Variants in PIBF1 observed in about 807,000 individuals in gnomAD.
PIBF1 encodes progesterone-induced-blocking factor 1.
Under a neutral mutation model 112.5 loss-of-function variants are expected in PIBF1, and 90 were observed. That is an observed-to-expected ratio of 0.80 (90% CI 0.67 to 0.95). PIBF1 has a LOEUF of 0.95. PIBF1 is among the 40% of genes least tolerant of loss of function. PIBF1 has a pLI of 0.00. For synonymous variants in PIBF1, 301 were observed against 288.6 expected, an observed-to-expected ratio of 1.04 and a Z score of -0.44; for missense variants, 915 against 852.3, an observed-to-expected ratio of 1.07 and a Z score of -0.92.
At chr13:72,828,940 CTTG>C (rs887611654) in intron 8 of PIBF1, among the ~76,000 whole-genome samples, 1 of 152,156 alleles carries the variant, frequency 6.6e-6, no homozygotes, top group Non-Finnish European at 1.5e-5. Context: ...TCCTCTCCAG[CTTG>C]TTGTTTCCTG....
chr13:72,903,010 C>T (rs552416805), intron 11 of PIBF1, among the ~76,000 whole-genome samples: 1 of 152,164 alleles, frequency 6.6e-6, no homozygotes, highest in African/African-American at 2.4e-5. Flanking sequence ...ATCCTCCCAC[C>T]TCAGCCTCCC....
intron 2 of PIBF1, among the ~76,000 whole-genome samples, chr13:72,789,258 C>G (rs529854084): frequency 6.6e-6 from 1 of 152,256 alleles, no homozygotes; most frequent in African/African-American, 2.4e-5. Context: ...GATCACAGCT[C>G]TCTGCAGCCT....
intron 9 of PIBF1, among the ~76,000 whole-genome samples, chr13:72,851,364 G>A (rs1324220924): frequency 6.6e-6 from 1 of 152,236 alleles, no homozygotes; most frequent in Admixed American, 6.5e-5. Flanking sequence ...TCTGATTTCA[G>A]AGCAAAGTTG....
chr13:72,885,302 A>T (rs1005999524), intron 10 of PIBF1, among the ~76,000 whole-genome samples: 1 of 151,996 alleles, frequency 6.6e-6, no homozygotes, highest in Non-Finnish European at 1.5e-5. Context: ...TCTTTTACGG[A>T]CACCTAAACC....
At chr13:72,959,996 T>C (rs2042562268) in intron 14 of PIBF1, among the ~76,000 whole-genome samples, 1 of 152,196 alleles carries the variant, frequency 6.6e-6, no homozygotes, top group Non-Finnish European at 1.5e-5. Flanking sequence ...ATTGAAGGAA[T>C]TAAATTCTAA....
intron 14 of PIBF1, among the ~76,000 whole-genome samples, chr13:72,954,383 C>T (rs773609167): frequency 2.0e-5 from 3 of 152,240 alleles, no homozygotes; most frequent in Non-Finnish European, 4.4e-5. Flanking sequence ...TGCCAGCCCC[C>T]TGGTTCTGGC....
At chr13:72,892,078 T>TA (rs2138559918) in intron 10 of PIBF1, among the ~76,000 whole-genome samples, 1 of 152,240 alleles carries the variant, frequency 6.6e-6, no homozygotes, top group Admixed American at 6.5e-5. Context: ...GTAGGGTAAT[T>TA]AAAATGCTTT....
intron 12 of PIBF1, among the ~76,000 whole-genome samples, chr13:72,916,414 A>ATATTTTT (rs367708260): frequency 2.7e-5 from 4 of 149,032 alleles, no homozygotes; most frequent in African/African-American, 9.9e-5. Flanking sequence ...ATATATATAT[A>ATATTTTT]TTTTTTTAAT....
At chr13:72,859,294 G>A (rs939482813) in intron 10 of PIBF1, among the ~76,000 whole-genome samples, 1 of 152,102 alleles carries the variant, frequency 6.6e-6, no homozygotes, top group Non-Finnish European at 1.5e-5. Context: ...ATGGAAATGA[G>A]TTAGATAGGG....
intron 13 of PIBF1, among the ~76,000 whole-genome samples, chr13:72,921,825 A>G (rs1025204068): frequency 1.3e-4 from 19 of 150,982 alleles, no homozygotes; most frequent in Non-Finnish European, 2.4e-4. Flanking sequence ...GTTTGTTCTT[A>G]AAGTAAATTA....
intron 9 of PIBF1, among the ~76,000 whole-genome samples, chr13:72,851,916 A>G (rs1467035820): frequency 6.6e-6 from 1 of 152,164 alleles, no homozygotes; most frequent in Non-Finnish European, 1.5e-5. Flanking sequence ...GAATCTACCC[A>G]CTGTGGGTCT....
At chr13:72,991,547 A>G (rs868144840) in intron 16 of PIBF1, among the ~76,000 whole-genome samples, 46 of 152,112 alleles carry the variant, frequency 3.0e-4, no homozygotes, top group Admixed American at 1.3e-4. Context: ...GCAAGTTAGT[A>G]TAAAAGCATA....
chr13:72,872,725 TTAAG>T (rs1178610352), intron 10 of PIBF1, among the ~76,000 whole-genome samples: 1 of 152,168 alleles, frequency 6.6e-6, no homozygotes, highest in East Asian at 1.9e-4. Context: ...TACAAAAACT[TTAAG>T]TAACTTTAGC....
intron 2 of PIBF1, 84 bp from the exon 3 acceptor site, chr13:72,792,363 A>T: frequency 1.2e-6 from 1 of 828,136 alleles, no homozygotes; most frequent in Non-Finnish European, 1.9e-6. Context: ...GTTTCTTTCA[A>T]GTGTTTTTAA....
chr13:72,840,617 G>A (rs548707118), intron 9 of PIBF1, among the ~76,000 whole-genome samples: 4 of 149,042 alleles, frequency 2.7e-5, no homozygotes, highest in African/African-American at 7.4e-5. Flanking sequence ...TCCACCTCCC[G>A]AGTCCAAGCG....
chr13:72,975,082 A>C (rs2042987236), intron 16 of PIBF1, among the ~76,000 whole-genome samples: 1 of 142,966 alleles, frequency 7.0e-6, no homozygotes, highest in South Asian at 2.2e-4. Context: ...TGGAGACAGG[A>C]TCTTGCTCTG....
chr13:72,885,467 A>T (rs2039811712), intron 10 of PIBF1, among the ~76,000 whole-genome samples: 1 of 152,000 alleles, frequency 6.6e-6, no homozygotes, highest in Non-Finnish European at 1.5e-5. Flanking sequence ...GGTTACTATG[A>T]CTCCATTCAT....
intron 9 of PIBF1, among the ~76,000 whole-genome samples, chr13:72,843,825 CACTTAGCCCT>C (rs2037719303): frequency 6.6e-6 from 1 of 152,184 alleles, no homozygotes; most frequent in African/African-American, 2.4e-5. Flanking sequence ...GATTTCACTC[CACTTAGCCCT>C]CAGATTAGTA....
rs1455470914 is a variant in PIBF1 at position 72,827,779 on chromosome 13, A to C, written c.962A>C (p.Glu321Ala). The C allele has an allele frequency of 6.2e-7, 1 of 1,601,220 alleles. No individual in the cohort carries two copies. Among genetic ancestry groups the C allele is most frequent in the Non-Finnish European group, 8.5e-7 (1 of 1,173,984 alleles). The change falls in exon 8 of 18, where the codon GAA (glutamate) becomes GCA (alanine). Residue 321 changes from glutamate (E) to alanine (A), a missense_variant. Physicochemically the swap from Glu to Ala is moderately radical, Grantham distance 107 (BLOSUM62 -1). Transcript: ENST00000326291. ...QTVTLLQKDK[E>A]YLNRQNMELS... Reference sequence around the variant, plus strand: ...GTTACTTTACTGCAAAAGGATAAAGAATATCTTAATCGCCAAAACATGGAG... The same window carrying C: ...GTTACTTTACTGCAAAAGGATAAAGCATATCTTAATCGCCAAAACATGGAG...
Sources: allele counts gnomAD v4.1 joint callset (sites outside exome capture counted in the v4.1 genomes callset), GRCh38; gene constraint gnomAD v4.1.1; transcripts MANE v1.5; gene names NCBI Gene and HGNC (gene_info 2026-07-23, HGNC 2026-07-21).